The following DLG2 variants were observed in gnomAD, a reference collection of about 807,000 sequenced individuals.
DLG2 encodes the protein disks large homolog 2.
DLG2 carries 45 observed loss-of-function variants against 132.5 expected under a neutral mutation model. That is an observed-to-expected ratio of 0.34 (90% confidence interval 0.27 to 0.44). The LOEUF (loss-of-function observed/expected upper bound fraction) is 0.44, where lower values mean the gene tolerates loss of function less well. Among genes scored for constraint, DLG2 ranks in the 20% least tolerant of loss-of-function variants. DLG2 has a pLI of 1.00. For synonymous variants in DLG2, 424 were observed against 419.6 expected, an observed-to-expected ratio of 1.01 and a Z score of -0.13; for missense variants, 1,045 against 1,196.9, an observed-to-expected ratio of 0.87 and a Z score of 1.87.
At chr11:84,720,239 T>C (rs756467688) in intron 6 of DLG2, 225 of 978,516 alleles carry the variant, frequency 2.3e-4, no homozygotes, top group Non-Finnish European at 2.7e-4. Flanking sequence ...ACAGAAGGAA[T>C]TGTTCTCTCC....
chr11:85,476,013 G>A (rs2093130021), intron 3 of DLG2, among the ~76,000 whole-genome samples: 1 of 152,128 alleles, frequency 6.6e-6, no homozygotes, highest in South Asian at 2.1e-4. Flanking sequence ...ACAGGGATAT[G>A]TTCTGAGAAA....
intron 18 of DLG2, among the ~76,000 whole-genome samples, chr11:83,763,490 T>G (rs1354894687): frequency 6.6e-6 from 1 of 152,162 alleles, no homozygotes; most frequent in Non-Finnish European, 1.5e-5. Flanking sequence ...TCATTAGGAA[T>G]GAAAGGAGTG....
At chr11:84,900,372 T>C (rs1291173439) in intron 6 of DLG2, among the ~76,000 whole-genome samples, 2 of 152,186 alleles carry the variant, frequency 1.3e-5, no homozygotes, top group East Asian at 1.9e-4. Context: ...TTCTGTACTA[T>C]ATTATGTGTT....
chr11:83,640,966 T>A (rs1281539855), intron 18 of DLG2, among the ~76,000 whole-genome samples: 1 of 152,126 alleles, frequency 6.6e-6, no homozygotes, highest in Non-Finnish European at 1.5e-5. Flanking sequence ...GTTAAGAAAA[T>A]ACCATACCCA....
In DLG2 at chr11:85,521,217, G is replaced by A. The variant is rs530073374; in HGVS notation, c.40+77440C>T. Reference sequence around the variant, plus strand: ...CCTTGTAGGAGGTGATTAAACCATTGGAATGATTCCCCCATGCTGTTCTTA... The same window carrying A: ...CCTTGTAGGAGGTGATTAAACCATTAGAATGATTCCCCCATGCTGTTCTTA... On this transcript the variant is annotated intron_variant, in intron 3 of 27. Coordinates refer to ENST00000376104, the MANE Select transcript of DLG2 (RefSeq NM_001142699.3). Among the ~76,000 whole-genome samples the A allele has an allele frequency of 3.0e-4, 46 of 152,278 alleles. 1 individual carries two copies. The South Asian group carries it at 4.1e-3, about 14-fold the overall frequency.
At chr11:85,345,568 A>G (rs75463347) in intron 3 of DLG2, among the ~76,000 whole-genome samples, 66 of 152,242 alleles carry the variant, frequency 4.3e-4, no homozygotes, top group African/African-American at 1.6e-3. Flanking sequence ...CCAGGATTCA[A>G]ATTAGGTCTG....
At chr11:83,862,494 A>G (rs978141880) in intron 16 of DLG2, among the ~76,000 whole-genome samples, 1 of 152,176 alleles carries the variant, frequency 6.6e-6, no homozygotes, top group African/African-American at 2.4e-5. Context: ...ACAAAAATAT[A>G]TTTATAAATT....
intron 9 of DLG2, among the ~76,000 whole-genome samples, chr11:84,101,834 C>G (rs754694754): frequency 6.6e-6 from 1 of 152,030 alleles, no homozygotes; most frequent in African/African-American, 2.4e-5. Context: ...GGGAGATACC[C>G]AAATGCTTTC....
At chr11:85,345,677 C>T (rs1415280371) in intron 3 of DLG2, among the ~76,000 whole-genome samples, 2 of 152,104 alleles carry the variant, frequency 1.3e-5, no homozygotes, top group Middle Eastern at 3.4e-3. Flanking sequence ...GCCTAAAAAG[C>T]AGCAATCATC....
chr11:84,626,173 T>C (rs978189742), intron 6 of DLG2, among the ~76,000 whole-genome samples: 1 of 152,220 alleles, frequency 6.6e-6, no homozygotes, highest in South Asian at 2.1e-4. Context: ...CTTTCAACAG[T>C]ACTAGGAGAT....
At chr11:85,610,533 G>T (rs2080919041) in intron 2 of DLG2, among the ~76,000 whole-genome samples, 2 of 152,164 alleles carry the variant, frequency 1.3e-5, no homozygotes, top group Non-Finnish European at 2.9e-5. Flanking sequence ...CTTGCCCCAC[G>T]GGTTTAGGGA....
At chr11:83,903,724 A>G (rs1697386446) in intron 15 of DLG2, among the ~76,000 whole-genome samples, 1 of 152,172 alleles carries the variant, frequency 6.6e-6, no homozygotes, top group African/African-American at 2.4e-5. Flanking sequence ...TCACATCTTA[A>G]AATAAGTGTT....
intron 16 of DLG2, among the ~76,000 whole-genome samples, chr11:83,834,887 TCC>T (rs1196255247): frequency 4.6e-5 from 7 of 152,210 alleles, no homozygotes; most frequent in Non-Finnish European, 1.0e-4. Context: ...TCACCCACCC[TCC>T]TCTCCCAAAC....
intron 3 of DLG2, among the ~76,000 whole-genome samples, chr11:85,330,691 T>C (rs2081641644): frequency 9.8e-6 from 1 of 101,962 alleles, no homozygotes; most frequent in Non-Finnish European, 1.9e-5. Flanking sequence ...GACACGTTAG[T>C]GGGTGCAGCG....
chr11:85,421,401 C>T (rs1184457307), intron 3 of DLG2, among the ~76,000 whole-genome samples: 1 of 151,844 alleles, frequency 6.6e-6, no homozygotes, highest in Admixed American at 6.6e-5. Context: ...GCCATCTTAC[C>T]AGCCATCCAT....
At chr11:85,539,432 A>C (rs1377789712) in intron 3 of DLG2, among the ~76,000 whole-genome samples, 1 of 152,162 alleles carries the variant, frequency 6.6e-6, no homozygotes, top group East Asian at 1.9e-4. Context: ...GGAATGCTAG[A>C]AGAATTGAGG....
chr11:83,505,099 G>A (rs1031878670), intron 21 of DLG2, among the ~76,000 whole-genome samples: 1 of 152,162 alleles, frequency 6.6e-6, no homozygotes, highest in African/African-American at 2.4e-5. Flanking sequence ...TGGTAGTCTT[G>A]GCAGAAGCAT....
chr11:83,831,249 C>G (rs1263925674), intron 17 of DLG2, among the ~76,000 whole-genome samples: 2 of 152,142 alleles, frequency 1.3e-5, no homozygotes, highest in Non-Finnish European at 2.9e-5. Context: ...TCTTACATAT[C>G]ATGAAAGTAT....
intron 9 of DLG2, among the ~76,000 whole-genome samples, chr11:84,123,592 C>T (rs1412338793): frequency 6.6e-6 from 1 of 152,136 alleles, no homozygotes; most frequent in Non-Finnish European, 1.5e-5. Flanking sequence ...TACATTCAAT[C>T]CAACTCTGTA....
Sources: allele counts gnomAD v4.1 joint callset (sites outside exome capture counted in the v4.1 genomes callset), GRCh38; gene constraint gnomAD v4.1.1; transcripts MANE v1.5; gene names NCBI Gene and HGNC (gene_info 2026-07-23, HGNC 2026-07-21).